Variants in CPAMD8 observed in about 807,000 individuals in gnomAD.
CPAMD8 encodes the protein C3 and PZP-like alpha-2-macroglobulin domain-containing protein 8.
Under a neutral mutation model 224.7 loss-of-function variants are expected in CPAMD8, and 146 were observed. The observed-to-expected ratio is 0.65, with a 90% CI of 0.57 to 0.75. CPAMD8 has a LOEUF of 0.75. Ranked by LOEUF, CPAMD8 falls within the 30% of genes least tolerant of loss-of-function variation. The pLI, the probability that CPAMD8 is intolerant of heterozygous loss-of-function variation, is 0.00. For synonymous variants in CPAMD8, 966 were observed against 1,044.6 expected (o/e 0.92, Z 1.45); for missense variants, 2,301 against 2,537.5 (o/e 0.91, Z 2.00).
intron 13 of CPAMD8, among the ~76,000 whole-genome samples, chr19:16,981,839 A>G (rs191988624): frequency 2.3e-4 from 35 of 152,310 alleles, no homozygotes; most frequent in South Asian, 1.0e-3. Context: ...CACCTCTCTG[A>G]GCCTCAGTTT....
chr19:16,899,380 G>C lies in CPAMD8; in HGVS notation c.4848+95C>G. The C allele has an allele frequency of 2.7e-6, 2 of 729,840 alleles. No individual in the cohort carries two copies. The highest frequency in any genetic ancestry group is 2.5e-6 in the Non-Finnish European group (1 of 394,338). 45.2% of individuals were successfully genotyped at this position (729,840 alleles called of 1,614,324 possible). On this transcript the variant is annotated intron_variant, in intron 37 of 41. Transcript: ENST00000443236. This position sits in a 1 kb window ranked among gnomAD's most constrained non-coding sequence, Gnocchi z 5.4. ...CCCCAGTGTCTTTTTTATGGTACAAGATACTTGCAGGGAGCCACACCAGGC... is the reference window on the plus strand; with the variant it reads ...CCCCAGTGTCTTTTTTATGGTACAACATACTTGCAGGGAGCCACACCAGGC...
chr19:16,979,245 T>C (rs28875173), intron 14 of CPAMD8, among the ~76,000 whole-genome samples: 70,706 of 148,754 alleles, frequency 0.48, 19,340 homozygotes, highest in African/African-American at 0.77. Context: ...TCTATTCATC[T>C]AATCCTCATC....
rs1308112213 is a variant in CPAMD8, at chr19:16,914,833, C to T, written c.3630-20G>A. 6.3e-7 allele frequency: 1 copy of T among 1,578,110 alleles called. No individual in the cohort carries two copies. Among genetic ancestry groups the T allele is most frequent in the Non-Finnish European group, 8.6e-7 (1 of 1,158,576 alleles). ...GTGAGCCTGAAAGAGGACAGGGTGT[C>T]AGCTGAGGGGTTGCAGAATGGTCAG... On this transcript the variant is annotated intron_variant, in intron 27 of 41. Transcript: ENST00000443236.
chr19:16,914,911 C>T lies in CPAMD8; in HGVS notation c.3630-98G>A, dbSNP rs1032983263. ...GCAAGCTCCTGGCACCACCCCCGGC[C>T]TCCATTTCCTCATCTATAAGATGGG... is the stretch of plus-strand genomic sequence containing the variant. On this transcript the variant is annotated intron_variant, in intron 27 of 41. Coordinates refer to ENST00000443236, the MANE Select transcript of CPAMD8 (RefSeq NM_015692.5). 3.5e-5 allele frequency: 28 copies of T among 809,000 alleles called. No individual in the cohort carries two copies. The South Asian group carries it at 4.6e-4, about 13-fold the overall frequency. 50.1% of individuals were successfully genotyped at this position (809,000 alleles called of 1,614,324 possible). A position where few individuals can be genotyped will look rare whatever the true frequency, so the allele number is the denominator to read the frequency against.
At chr19:17,020,087 G>C (rs951507142) in intron 3 of CPAMD8, among the ~76,000 whole-genome samples, 8 of 148,250 alleles carry the variant, frequency 5.4e-5, no homozygotes, top group Non-Finnish European at 7.4e-5. Flanking sequence ...CGATTCTCCT[G>C]CCTCAGCCTC....
chr19:17,021,968 C>A, intron 2 of CPAMD8, 62 bp downstream of exon 2: 1 of 1,487,868 alleles, frequency 6.7e-7, no homozygotes, highest in Non-Finnish European at 9.0e-7. Context: ...CCCTGAAGGC[C>A]AGCAAGTGGC....
rs771272780 is a variant in CPAMD8, at chr19:16,977,536, G to C, written c.1590C>G (p.Pro530=). ...CGACCTCAGCTTCTGGGGCTGGTGGGGGCTCTGAGGTGAGCAAAAGTAGAG... is the reference window on the plus strand; with the variant it reads ...CGACCTCAGCTTCTGGGGCTGGTGGCGGCTCTGAGGTGAGCAAAAGTAGAG... ...IRLTHLSETE[P]PPAPEAEVDV... The change falls in exon 15 of 42, where the codon CCC becomes CCG. Residue 530 remains proline (P), a synonymous_variant. Coordinates refer to ENST00000443236, the MANE Select transcript of CPAMD8 (RefSeq NM_015692.5). 6 of 1,579,320 alleles carry C rather than the reference G, an allele frequency of 3.8e-6. No homozygotes were observed. In the East Asian group the frequency reaches 1.4e-4, roughly 36 times the overall value.
intron 14 of CPAMD8, among the ~76,000 whole-genome samples, chr19:16,979,136 TCATC>T (rs1015026520): frequency 2.7e-5 from 4 of 145,462 alleles, no homozygotes; most frequent in African/African-American, 1.0e-4. Context: ...ATCCATCTAT[TCATC>T]CATCCATCAT....
chr19:17,017,511 T>C (rs1417325846), intron 3 of CPAMD8, among the ~76,000 whole-genome samples: 1 of 152,144 alleles, frequency 6.6e-6, no homozygotes, highest in Non-Finnish European at 1.5e-5. Context: ...GAATGTGGAC[T>C]TCTGGGGCCA....
chr19:16,973,268 C>A (rs546093711), intron 17 of CPAMD8, among the ~76,000 whole-genome samples: 1 of 152,150 alleles, frequency 6.6e-6, no homozygotes, highest in African/African-American at 2.4e-5. Flanking sequence ...TTGTCTAATT[C>A]GCTCAACTTT....
chr19:16,919,567 A>T (rs937023949), intron 27 of CPAMD8, among the ~76,000 whole-genome samples: 3 of 152,248 alleles, frequency 2.0e-5, no homozygotes, highest in African/African-American at 7.2e-5. Context: ...CCTGATCCAT[A>T]AGAATTAATA....
chr19:16,936,894 A>G (rs2053703175), intron 23 of CPAMD8, among the ~76,000 whole-genome samples: 1 of 152,196 alleles, frequency 6.6e-6, no homozygotes, highest in Non-Finnish European at 1.5e-5. Flanking sequence ...AGGTTTATTT[A>G]TTAATGTTTC....
chr19:16,993,672 A>G lies in CPAMD8; in HGVS notation c.1096-86T>C, dbSNP rs2056034371. 3 of 1,241,736 alleles carry G rather than the reference A, an allele frequency of 2.4e-6. No homozygotes were observed. In the Admixed American group the frequency reaches 6.8e-5, roughly 28 times the overall value. 76.9% of individuals were successfully genotyped at this position (1,241,736 alleles called of 1,614,324 possible). ...GCAGAATCAACGCAATCCCCACTGG[A>G]ATCCCAGCAGGCTTCTTTGTAGAAA... is the stretch of plus-strand genomic sequence containing the variant. On this transcript the variant is annotated intron_variant, in intron 11 of 41. Transcript: ENST00000443236.
intron 25 of CPAMD8, among the ~76,000 whole-genome samples, chr19:16,926,321 T>G (rs2053358512): frequency 6.6e-6 from 1 of 151,862 alleles, no homozygotes; most frequent in South Asian, 2.1e-4. Context: ...TTATTTTATT[T>G]TATTTTATTT....
chr19:16,942,478 A>G (rs1013025422), intron 22 of CPAMD8, among the ~76,000 whole-genome samples: 2 of 152,230 alleles, frequency 1.3e-5, no homozygotes. Flanking sequence ...TAGTAATAAT[A>G]TAAATAAACT....
Position 16,898,043 on chromosome 19 carries a change from G to A in CPAMD8, c.4849-49C>T, listed in dbSNP as rs2144700548. The A allele has an allele frequency of 1.4e-6, 2 of 1,423,356 alleles. No homozygotes were observed. Among genetic ancestry groups the A allele is most frequent in the Non-Finnish European group, 1.9e-6 (2 of 1,037,986 alleles). The allele number at this position is 1,423,356 out of a possible 1,614,324, so 88.2% of individuals were successfully genotyped here. On this transcript the variant is annotated intron_variant, in intron 37 of 41. Coordinates refer to ENST00000443236, the MANE Select transcript of CPAMD8 (RefSeq NM_015692.5). This position sits in a 1 kb window ranked among gnomAD's most constrained non-coding sequence, Gnocchi z 4.2. ...GCTCGACCCGGGCCAGGAGGCCCGG[G>A]GCGCTGAGCTCAGGCCCAGAACTGG...
rs2144683092 is a variant in CPAMD8, at chr19:16,896,523, G to A, written c.5208C>T (p.Arg1736=). ...SDGVVYASAC[R]LREAACRQAA... ...CCTGGCGGCAGGCGGCCTCCCGCAG[G>A]CGGCAGGCGCTGGCGTAGACCACCC... Residue 1736 remains arginine (R), a synonymous_variant, in exon 40 of 42, where the codon CGC becomes CGT. Coordinates refer to ENST00000443236, the MANE Select transcript of CPAMD8 (RefSeq NM_015692.5). 6.9e-7 allele frequency: 1 copy of A among 1,439,622 alleles called. No individual in the cohort carries two copies. The highest frequency in any genetic ancestry group is 9.0e-7 in the Non-Finnish European group (1 of 1,107,626). 89.2% of individuals were successfully genotyped at this position (1,439,622 alleles called of 1,614,324 possible). A position where few individuals can be genotyped will look rare whatever the true frequency, so the allele number is the denominator to read the frequency against.
chr19:16,943,223 CCAGGCTGGTCTCAAACTCTTGACTT>C (rs1357864718), intron 22 of CPAMD8, among the ~76,000 whole-genome samples: 3 of 151,510 alleles, frequency 2.0e-5, no homozygotes, highest in African/African-American at 7.3e-5. Flanking sequence ...GCCATGTTGC[CCAGGCTGGTCTCAAACTCTTGACTT>C]CAGGTGGTCT....
intron 22 of CPAMD8, 31 bp from the exon 23 acceptor site, chr19:16,938,477 C>G: frequency 6.9e-7 from 1 of 1,440,208 alleles, no homozygotes; most frequent in Middle Eastern, 1.8e-4. Context: ...GAACTGAGTG[C>G]TGGGGCGGTG....
Sources: gnomAD v4.1 joint callset for allele counts (sites outside exome capture counted in the v4.1 genomes callset) on GRCh38, gnomAD v4.1.1 for gene constraint, Gnocchi (gnomAD v3.1) non-coding constraint, MANE v1.5 for transcripts, NCBI Gene and HGNC (gene_info 2026-07-23, HGNC 2026-07-21) for gene names.